CNTNAP4: variants seen among roughly 807,000 people sequenced by gnomAD.
CNTNAP4 encodes contactin associated protein family member 4, also known as contactin-associated protein-like 4.
In CNTNAP4, 98 loss-of-function variants were observed where a neutral mutation model predicts 148.4. The observed-to-expected ratio is 0.66, with a 90% CI of 0.56 to 0.78. CNTNAP4 has a LOEUF of 0.78. CNTNAP4 is among the 30% of genes least tolerant of loss of function. The pLI is 0.00. For missense variants in CNTNAP4, 1,935 were observed against 1,565.6 expected, an observed-to-expected ratio of 1.24 and a Z score of -3.98; for synonymous variants, 730 against 565.1, an observed-to-expected ratio of 1.29 and a Z score of -4.14.
At chr16:76,371,016 A>C (rs1181747408) in intron 3 of CNTNAP4, among the ~76,000 whole-genome samples, 2 of 152,180 alleles carry the variant, frequency 1.3e-5, no homozygotes, top group African/African-American at 4.8e-5. Context: ...TCCATGAAAA[A>C]TGCTGAACCA....
At chr16:76,497,942 C>T (rs1346484083) in intron 14 of CNTNAP4, among the ~76,000 whole-genome samples, 1 of 152,102 alleles carries the variant, frequency 6.6e-6, no homozygotes, top group African/African-American at 2.4e-5. Flanking sequence ...ACTGCAGTAT[C>T]AATCATTACA....
At chr16:76,394,433 G>A (rs2078128743) in intron 3 of CNTNAP4, among the ~76,000 whole-genome samples, 1 of 152,064 alleles carries the variant, frequency 6.6e-6, no homozygotes. Flanking sequence ...GGAAAATCTT[G>A]CATTTACTGG....
chr16:76,309,880 C>A (rs754138831), intron 1 of CNTNAP4: 2 of 701,782 alleles, frequency 2.8e-6, no homozygotes, highest in Non-Finnish European at 5.2e-6. Context: ...CGCCATGATT[C>A]TGAGGCCTTC....
chr16:76,338,559 C>T (rs1964206514), intron 2 of CNTNAP4, among the ~76,000 whole-genome samples: 2 of 152,160 alleles, frequency 1.3e-5, no homozygotes, highest in East Asian at 3.9e-4. Flanking sequence ...ACCATTCAGC[C>T]AGCAGTGCTC....
At chr16:76,385,331 C>T (rs2144728575) in intron 3 of CNTNAP4, among the ~76,000 whole-genome samples, 1 of 152,130 alleles carries the variant, frequency 6.6e-6, no homozygotes, top group Admixed American at 6.5e-5. Context: ...CAGGGACTGC[C>T]TTAGGAGGGA....
chr16:76,521,115 T>C (rs754960189), intron 15 of CNTNAP4, 25 bp from the exon 16 acceptor site: 1 of 1,426,478 alleles, frequency 7.0e-7, no homozygotes, highest in South Asian at 1.3e-5. Flanking sequence ...TGAATTTTTT[T>C]TTCTTTTTTT....
At chr16:76,468,561 C>T (rs1248098987) in intron 10 of CNTNAP4, among the ~76,000 whole-genome samples, 1 of 152,106 alleles carries the variant, frequency 6.6e-6, no homozygotes, top group Non-Finnish European at 1.5e-5. Context: ...GATCGTAGCT[C>T]ACTGCACCCT....
At chr16:76,448,738 T>C (rs1372426483) in intron 5 of CNTNAP4, 29 bp from the exon 6 acceptor site, 1 of 1,512,496 alleles carries the variant, frequency 6.6e-7, no homozygotes, top group African/African-American at 1.4e-5. Context: ...CTGGCAATAA[T>C]GGTGCTGTTA....
At chr16:76,363,526 A>C (rs1414618473) in intron 3 of CNTNAP4, among the ~76,000 whole-genome samples, 2 of 152,176 alleles carry the variant, frequency 1.3e-5, no homozygotes, top group Non-Finnish European at 2.9e-5. Flanking sequence ...GGAAAACCTG[A>C]AACTGTAAAA....
intron 15 of CNTNAP4, among the ~76,000 whole-genome samples, chr16:76,500,250 G>C (rs905259827): frequency 4.6e-5 from 7 of 152,214 alleles, no homozygotes; most frequent in Non-Finnish European, 7.4e-5. Context: ...CCTTCCGGAC[G>C]GGGCGGCTGG....
intron 3 of CNTNAP4, among the ~76,000 whole-genome samples, chr16:76,393,107 C>T (rs76021897): frequency 0.014 from 2,140 of 152,302 alleles, 36 homozygotes; most frequent in African/African-American, 0.043. Context: ...TACAGATTCT[C>T]CACCAAATTC....
chr16:76,433,552 A>G (rs950195729), intron 4 of CNTNAP4, among the ~76,000 whole-genome samples: 1 of 151,742 alleles, frequency 6.6e-6, no homozygotes, highest in Admixed American at 6.6e-5. Flanking sequence ...TAGAAAACAT[A>G]TAAAGAGGAC....
chr16:76,443,411 C>G (rs1235910779), intron 4 of CNTNAP4, among the ~76,000 whole-genome samples: 2 of 152,134 alleles, frequency 1.3e-5, no homozygotes, highest in African/African-American at 2.4e-5. Flanking sequence ...TGGAGAAACT[C>G]CATTTCTGCC....
intron 1 of CNTNAP4, 54 bp from the exon 2 acceptor site, chr16:76,316,359 C>T: frequency 8.7e-7 from 1 of 1,151,618 alleles, no homozygotes; most frequent in Admixed American, 1.8e-5. Flanking sequence ...TCTATTGATT[C>T]CACGAAAGCC....
At chr16:76,376,264 A>C (rs956025519) in intron 3 of CNTNAP4, among the ~76,000 whole-genome samples, 2 of 152,214 alleles carry the variant, frequency 1.3e-5, no homozygotes, top group Non-Finnish European at 2.9e-5. Context: ...GTGAGAGTAG[A>C]TGTCTCACTG....
intron 1 of CNTNAP4, among the ~76,000 whole-genome samples, chr16:76,313,388 G>A (rs371129544): frequency 1.3e-5 from 2 of 152,166 alleles, no homozygotes; most frequent in East Asian, 1.9e-4. Flanking sequence ...CCACATGTGC[G>A]CCCTCCTTCC....
At chr16:76,521,897 A>C (rs534090858) in intron 16 of CNTNAP4, 142 bp from the exon 17 acceptor site, 4 of 758,900 alleles carry the variant, frequency 5.3e-6, no homozygotes, top group East Asian at 5.0e-5. Context: ...CATGAGTTTC[A>C]AACAATAGCA....
intron 3 of CNTNAP4, among the ~76,000 whole-genome samples, chr16:76,383,915 A>T (rs763883053): frequency 2.6e-5 from 4 of 152,164 alleles, no homozygotes; most frequent in African/African-American, 9.7e-5. Flanking sequence ...ACTTGGTTCT[A>T]TGTTTGAAAA....
chr16:76,478,307 T>C (rs1372828706), intron 11 of CNTNAP4, among the ~76,000 whole-genome samples: 1 of 152,164 alleles, frequency 6.6e-6, no homozygotes, highest in East Asian at 1.9e-4. Context: ...ATGTATAAAC[T>C]AGTCATTTTT....
Sources: gnomAD v4.1 joint callset for allele counts (sites outside exome capture counted in the v4.1 genomes callset) on GRCh38, gnomAD v4.1.1 for gene constraint, MANE v1.5 for transcripts, NCBI Gene and HGNC (gene_info 2026-07-23, HGNC 2026-07-21) for gene names.